CDH18: variants seen among roughly 807,000 people sequenced by gnomAD.
CDH18 encodes the protein cadherin-18.
Under a neutral mutation model 67.9 loss-of-function variants are expected in CDH18, and 31 were observed. That is an observed-to-expected ratio of 0.46 (90% CI 0.34 to 0.62). The LOEUF is 0.62. Among genes scored for constraint, CDH18 ranks in the 20% least tolerant of loss-of-function variants. CDH18 has a pLI of 0.01. For synonymous variants in CDH18, 362 were observed against 347.2 expected, an observed-to-expected ratio of 1.04 and a Z score of -0.48; for missense variants, 890 against 975.5, an observed-to-expected ratio of 0.91 and a Z score of 1.17.
At chr5:20,419,818 A>G (rs1283138318) in intron 1 of CDH18, among the ~76,000 whole-genome samples, 1 of 150,854 alleles carries the variant, frequency 6.6e-6, no homozygotes, top group Non-Finnish European at 1.5e-5. Flanking sequence ...GAATATATAC[A>G]TATATATCTT....
chr5:20,139,229 G>T (rs1360384309), intron 2 of CDH18, among the ~76,000 whole-genome samples: 6 of 151,924 alleles, frequency 3.9e-5, no homozygotes, highest in Non-Finnish European at 7.4e-5. Flanking sequence ...GATTCCCTAT[G>T]TAATAAATGG....
chr5:20,182,748 C>A (rs1469610067), intron 2 of CDH18, among the ~76,000 whole-genome samples: 1 of 151,648 alleles, frequency 6.6e-6, no homozygotes, highest in Non-Finnish European at 1.5e-5. Context: ...GAGGACTTAG[C>A]AAGAAGGCCC....
intron 5 of CDH18, among the ~76,000 whole-genome samples, chr5:19,672,929 C>A (rs1451129309): frequency 3.3e-5 from 5 of 151,862 alleles, no homozygotes; most frequent in Non-Finnish European, 5.9e-5. Flanking sequence ...TAATAAAGAC[C>A]TCTCAATCCA....
At chr5:19,876,464 A>G (rs1203000612) in intron 2 of CDH18, among the ~76,000 whole-genome samples, 1 of 152,118 alleles carries the variant, frequency 6.6e-6, no homozygotes, top group African/African-American at 2.4e-5. Context: ...TGGAAAAATC[A>G]CTGTCTCATC....
intron 4 of CDH18, among the ~76,000 whole-genome samples, chr5:19,746,721 T>C (rs1467641417): frequency 2.6e-5 from 4 of 152,174 alleles, no homozygotes; most frequent in South Asian, 4.1e-4. Context: ...GATCCAACTA[T>C]TACCTACACT....
chr5:19,583,511 T>C (rs1465603746), intron 7 of CDH18, among the ~76,000 whole-genome samples: 1 of 152,156 alleles, frequency 6.6e-6, no homozygotes, highest in Non-Finnish European at 1.5e-5. Context: ...ATTTCATTCT[T>C]AGTTTGCTTC....
chr5:19,588,713 A>G (rs1277835491), intron 7 of CDH18, among the ~76,000 whole-genome samples: 1 of 152,128 alleles, frequency 6.6e-6, no homozygotes, highest in Non-Finnish European at 1.5e-5. Flanking sequence ...AAATTTACCA[A>G]GCAAATGGAA....
chr5:19,951,340 G>A (rs1249487277), intron 2 of CDH18, among the ~76,000 whole-genome samples: 2 of 152,126 alleles, frequency 1.3e-5, no homozygotes, highest in East Asian at 3.8e-4. Context: ...CATGTAACTA[G>A]AACAAGCAGG....
intron 1 of CDH18, among the ~76,000 whole-genome samples, chr5:20,317,112 T>G (rs1001249637): frequency 8.6e-5 from 13 of 152,046 alleles, no homozygotes; most frequent in African/African-American, 3.1e-4. Flanking sequence ...AGATGTACTA[T>G]TATAAATCAA....
At chr5:20,310,650 G>T (rs1036876683) in intron 1 of CDH18, among the ~76,000 whole-genome samples, 1 of 152,070 alleles carries the variant, frequency 6.6e-6, no homozygotes, top group Non-Finnish European at 1.5e-5. Flanking sequence ...TGTAAGTGTT[G>T]ATTGCATGTT....
At chr5:20,473,866 A>G (rs1312280737) in intron 1 of CDH18, among the ~76,000 whole-genome samples, 4 of 152,064 alleles carry the variant, frequency 2.6e-5, no homozygotes, top group African/African-American at 9.7e-5. Flanking sequence ...TGTCCATGAT[A>G]TTATTTACCA....
At chr5:20,042,966 AAATT>A (rs36074065) in intron 2 of CDH18, among the ~76,000 whole-genome samples, 2,598 of 151,590 alleles carry the variant, frequency 0.017, 35 homozygotes, top group Non-Finnish European at 0.026. Context: ...CGTCTCAAAA[AAATT>A]AATTAATTAA....
At chr5:19,788,652 T>G (rs959812980) in intron 3 of CDH18, among the ~76,000 whole-genome samples, 1 of 152,180 alleles carries the variant, frequency 6.6e-6, no homozygotes, top group Non-Finnish European at 1.5e-5. Flanking sequence ...ATTGACAAGA[T>G]TGATGTCCAG....
chr5:19,907,374 G>C (rs1790653504), intron 2 of CDH18, among the ~76,000 whole-genome samples: 1 of 151,796 alleles, frequency 6.6e-6, no homozygotes, highest in Non-Finnish European at 1.5e-5. Flanking sequence ...AGATATGTTG[G>C]GGATGGGGCC....
At chr5:20,157,426 A>T (rs1751617860) in intron 2 of CDH18, among the ~76,000 whole-genome samples, 1 of 152,118 alleles carries the variant, frequency 6.6e-6, no homozygotes, top group Admixed American at 6.6e-5. Flanking sequence ...CTATGAGTGA[A>T]GCTATTTTAT....
At chr5:20,501,313 CAAAT>C (rs546694792) in intron 1 of CDH18, among the ~76,000 whole-genome samples, 26 of 150,624 alleles carry the variant, frequency 1.7e-4, no homozygotes, top group Admixed American at 2.7e-4. Flanking sequence ...ATTACACTAA[CAAAT>C]AGATACTGTT....
chr5:19,516,706 A>C (rs541604379), intron 10 of CDH18, among the ~76,000 whole-genome samples: 24 of 151,958 alleles, frequency 1.6e-4, no homozygotes, highest in Non-Finnish European at 3.2e-4. Context: ...CCCCTTTATC[A>C]TTTTTTATTG....
intron 8 of CDH18, among the ~76,000 whole-genome samples, chr5:19,557,405 C>A (rs781319397): frequency 7.2e-5 from 11 of 151,902 alleles, no homozygotes; most frequent in African/African-American, 2.7e-4. Context: ...TCACCTGACA[C>A]AGGACTAATA....
intron 2 of CDH18, among the ~76,000 whole-genome samples, chr5:19,970,708 C>T (rs1317123430): frequency 5.3e-5 from 8 of 150,580 alleles, no homozygotes; most frequent in African/African-American, 1.9e-4. Context: ...TTTGAAAATC[C>T]CTATCAGGAA....
Sources: gnomAD v4.1 joint callset for allele counts (sites outside exome capture counted in the v4.1 genomes callset) on GRCh38, gnomAD v4.1.1 for gene constraint, MANE v1.5 for transcripts, NCBI Gene and HGNC (gene_info 2026-07-23, HGNC 2026-07-21) for gene names.